The following ARHGEF4 variants were observed in gnomAD, a reference collection of about 807,000 sequenced individuals.
ARHGEF4 encodes APC-stimulated guanine nucleotide exchange factor 1.
A neutral mutation model predicts 162.0 loss-of-function variants in ARHGEF4; 119 were observed. The observed-to-expected ratio is 0.73, with a 90% CI of 0.63 to 0.86. The LOEUF (loss-of-function observed/expected upper bound fraction) is 0.86. Ranked by LOEUF, ARHGEF4 falls within the 40% of genes least tolerant of loss-of-function variation. ARHGEF4 has a pLI of 0.00. For synonymous variants in ARHGEF4, 1,014 were observed against 979.9 expected (o/e 1.03, Z -0.65); for missense variants, 2,488 against 2,456.0 (o/e 1.01, Z -0.28).
chr2:130,984,379 A>G (rs1352316904), intron 4 of ARHGEF4, among the ~76,000 whole-genome samples: 2 of 152,162 alleles, frequency 1.3e-5, no homozygotes, highest in Non-Finnish European at 1.5e-5. Flanking sequence ...ATTGTGGCCA[A>G]ACGGTATTGC....
intron 12 of ARHGEF4, 130 bp from the exon 13 acceptor site, chr2:131,045,239 C>A (rs965449837): frequency 8.2e-5 from 71 of 861,984 alleles, no homozygotes; most frequent in Non-Finnish European, 1.1e-5. Flanking sequence ...GGGCAACAGT[C>A]CCCGCTGTGG....
At chr2:130,856,218 A>T (rs546621697) in intron 1 of ARHGEF4, among the ~76,000 whole-genome samples, 1 of 152,366 alleles carries the variant, frequency 6.6e-6, no homozygotes, top group East Asian at 1.9e-4. Context: ...AATTAACCAA[A>T]TGAAAAATTC....
chr2:130,864,181 C>T (rs1559006204), intron 1 of ARHGEF4, among the ~76,000 whole-genome samples: 5 of 136,344 alleles, frequency 3.7e-5, no homozygotes, highest in Non-Finnish European at 4.7e-5. Context: ...GACTCTGTCT[C>T]AAAGAAAGAA....
At chr2:130,867,471 C>T (rs1444027090) in intron 1 of ARHGEF4, among the ~76,000 whole-genome samples, 1 of 151,946 alleles carries the variant, frequency 6.6e-6, no homozygotes, top group African/African-American at 2.4e-5. Context: ...CTCCTGACCT[C>T]GTGATCTGCC....
At chr2:130,849,469 T>C (rs763944338) in intron 1 of ARHGEF4, among the ~76,000 whole-genome samples, 7 of 151,954 alleles carry the variant, frequency 4.6e-5, no homozygotes, top group Non-Finnish European at 1.0e-4. Flanking sequence ...CCACAGGCTG[T>C]CCCAGGCTGC....
chr2:130,928,528 A>G (rs1343297236), intron 2 of ARHGEF4, among the ~76,000 whole-genome samples: 4 of 152,164 alleles, frequency 2.6e-5, no homozygotes, highest in African/African-American at 7.2e-5. Context: ...GGAAGGAGAA[A>G]TGGAAAGGGG....
At chr2:131,005,305 G>T (rs1688049668) in intron 4 of ARHGEF4, among the ~76,000 whole-genome samples, 1 of 152,268 alleles carries the variant, frequency 6.6e-6, no homozygotes, top group South Asian at 2.1e-4. Context: ...TCACATCCAG[G>T]TAGAAATCGG....
intron 10 of ARHGEF4, among the ~76,000 whole-genome samples, chr2:131,042,375 T>C (rs1690882109): frequency 6.6e-6 from 1 of 152,196 alleles, no homozygotes; most frequent in African/African-American, 2.4e-5. Context: ...CTGGTTCTGT[T>C]TGTCTGACTT....
At position 131,003,268 on chromosome 2, in the gene ARHGEF4, C is replaced by T. The variant is rs114779732; in HGVS notation, c.3986-24677C>T. Among the ~76,000 whole-genome samples the T allele has an allele frequency of 4.8e-3, 738 of 152,310 alleles. 2 individuals carry two copies. Among genetic ancestry groups the T allele is most frequent in the African/African-American group, 0.017 (698 of 41,546 alleles). On this transcript the variant is annotated intron_variant, in intron 4 of 13. Transcript: ENST00000409359. Reference sequence around the variant, plus strand: ...GCCGTAAGACACACCCCCTCTGCACCTCAGTTCCTGATTTATAAAACAATG... The same window carrying T: ...GCCGTAAGACACACCCCCTCTGCACTTCAGTTCCTGATTTATAAAACAATG...
Position 131,007,800 on chromosome 2 carries a change from C to CTTTTTTTT in ARHGEF4, c.3986-20124_3986-20117dup, listed in dbSNP as rs70994731. Among the ~76,000 whole-genome samples, 90 of 55,930 alleles carry CTTTTTTTT rather than the reference C, an allele frequency of 1.6e-3. 7 individuals carry two copies. Among genetic ancestry groups the CTTTTTTTT allele is most frequent in the South Asian group, 4.2e-3 (5 of 1,192 alleles). 36.7% of individuals were successfully genotyped at this position (55,930 alleles called of 152,430 possible). On this transcript the variant is annotated intron_variant, in intron 4 of 13. Transcript: ENST00000409359. ...TAAAGCTAAATTATTCTTTTCTTTT[C>CTTTTTTTT]TTTTTTTTTTTTTTTTTTTTTTTTT...
At chr2:130,867,915 GT>G (rs1163982977) in intron 1 of ARHGEF4, among the ~76,000 whole-genome samples, 1 of 146,260 alleles carries the variant, frequency 6.8e-6, no homozygotes, top group East Asian at 2.0e-4. Context: ...AGGTGGATGT[GT>G]TTTTTTCTTT....
chr2:130,914,709 A>G lies in ARHGEF4; in HGVS notation c.763A>G (p.Ser255Gly). 1 of 1,407,832 alleles carries G rather than the reference A, an allele frequency of 7.1e-7. No individual in the cohort carries two copies. The highest frequency in any genetic ancestry group is 2.6e-5 in the East Asian group (1 of 39,040). 87.2% of individuals were successfully genotyped at this position (1,407,832 alleles called of 1,614,324 possible). A position where few individuals can be genotyped will look rare whatever the true frequency, so the allele number is the denominator to read the frequency against. The change falls in exon 2 of 14, where the codon AGC (serine) becomes GGC (glycine). Residue 255 changes from serine to glycine, a missense_variant. Physicochemically the swap from Ser to Gly is moderately conservative, Grantham distance 56. This residue lies in a region of ARHGEF4 where 1,642 missense variants were observed against 1,481.5 expected (regional missense o/e 1.11). Transcript: ENST00000409359. ...HNRARALVLP[S>G]RGPLDNTAPL... Reference sequence around the variant, plus strand: ...CAGGGCCAGGGCACTGGTGCTACCTAGCAGAGGCCCACTGGACAACACAGC... The same window carrying G: ...CAGGGCCAGGGCACTGGTGCTACCTGGCAGAGGCCCACTGGACAACACAGC...
chr2:130,990,196 T>G (rs1436256391), intron 4 of ARHGEF4, among the ~76,000 whole-genome samples: 1 of 152,258 alleles, frequency 6.6e-6, no homozygotes, highest in African/African-American at 2.4e-5. Context: ...TTTAAGCTTC[T>G]TTCTGCTGAA....
chr2:130,910,984 A>C (rs927904078), intron 1 of ARHGEF4, among the ~76,000 whole-genome samples: 5 of 152,226 alleles, frequency 3.3e-5, no homozygotes, highest in African/African-American at 1.2e-4. Flanking sequence ...ATTCTCTAAA[A>C]AGTGAATGAC....
chr2:130,889,852 A>G (rs1478074224), intron 1 of ARHGEF4, among the ~76,000 whole-genome samples: 1 of 149,208 alleles, frequency 6.7e-6, no homozygotes, highest in African/African-American at 2.5e-5. Flanking sequence ...ATTGAACGGT[A>G]TTTTCACTGC....
intron 4 of ARHGEF4, among the ~76,000 whole-genome samples, chr2:130,960,202 T>G (rs577557123): frequency 6.6e-6 from 1 of 152,300 alleles, no homozygotes; most frequent in Admixed American, 6.5e-5. Context: ...GCCTAGGATA[T>G]TACTGTACAC....
rs188428702 is a variant in ARHGEF4, at chr2:130,965,662, C to T, written c.3985+19027C>T. On this transcript the variant is annotated intron_variant, in intron 4 of 13. Transcript: ENST00000409359. The stretch of plus-strand genomic sequence containing the variant: ...TCCTTCCTTTCCAGAGGCCTCAGTC[C>T]TCCTGGGGACACCTCCTCCTTTCTT... Among the ~76,000 whole-genome samples the T allele has an allele frequency of 2.0e-3, 298 of 152,304 alleles. 7 individuals carry two copies. The highest frequency in any genetic ancestry group is 0.015 in the Admixed American group (224 of 15,294).
At chr2:130,900,461 C>T (rs1680420362) in intron 1 of ARHGEF4, among the ~76,000 whole-genome samples, 2 of 152,210 alleles carry the variant, frequency 1.3e-5, no homozygotes, top group East Asian at 3.8e-4. Context: ...ATTCTGTCTT[C>T]TATGCCCTCC....
At chr2:130,837,104 T>C in intron 1 of ARHGEF4, 112 bp downstream of exon 1, 1 of 1,024,696 alleles carries the variant, frequency 9.8e-7, no homozygotes, top group Non-Finnish European at 1.2e-6. Context: ...GGGCACCCGG[T>C]GGGTGGGGAC....
Sources: allele counts gnomAD v4.1 joint callset (sites outside exome capture counted in the v4.1 genomes callset), GRCh38; gene constraint gnomAD v4.1.1; regional missense constraint gnomAD v4.1.1; transcripts MANE v1.5; gene names NCBI Gene and HGNC (gene_info 2026-07-23, HGNC 2026-07-21).